The following ZNF596 variants were observed in gnomAD, a reference collection of about 807,000 sequenced individuals.
ZNF596 encodes zinc finger protein 596.
In ZNF596, 45 loss-of-function variants were observed where a neutral mutation model predicts 48.3. That is an observed-to-expected ratio of 0.93 (90% CI 0.73 to 1.19). The LOEUF (loss-of-function observed/expected upper bound fraction) is 1.19. Ranked by LOEUF, ZNF596 falls within the 50% of genes most tolerant of loss-of-function variation. The pLI is 0.00. For synonymous variants in ZNF596, 270 were observed against 202.0 expected, an observed-to-expected ratio of 1.34 and a Z score of -2.85; for missense variants, 848 against 599.7, an observed-to-expected ratio of 1.41 and a Z score of -4.32.
rs377069705 is a variant in ZNF596 at position 243,176 on chromosome 8, C to G, written c.139+163C>G. 9 of 522,010 alleles carry G rather than the reference C, an allele frequency of 1.7e-5. No individual in the cohort carries two copies. In the South Asian group the frequency reaches 3.8e-4, roughly 22 times the overall value. The allele number at this position is 522,010 out of a possible 1,614,324, so 32.3% of individuals were successfully genotyped here. ...CATAACTCTCACAATTACCTGACAG[C>G]CATTTCTTTCCTTTTCACTTATATT... On this transcript the variant is annotated intron_variant, in intron 3 of 5. Coordinates refer to ENST00000398612, the MANE Select transcript of ZNF596 (RefSeq NM_001042416.3).
At chr8:240,789 A>G (rs2117090463) in intron 1 of ZNF596, 35 bp from the exon 2 acceptor site, 1 of 1,431,250 alleles carries the variant, frequency 7.0e-7, no homozygotes, top group African/African-American at 1.4e-5. Context: ...CTGGAGTGTC[A>G]TGGTTTTTTT....
rs1357894271 is a variant in ZNF596 at position 247,202 on chromosome 8, GA to G, written c.*847del. The G allele has an allele frequency of 1.3e-5, 2 of 151,972 alleles. No individual in the cohort carries two copies. Among genetic ancestry groups the G allele is most frequent in the South Asian group, 2.1e-4 (1 of 4,816 alleles). 9.4% of individuals were successfully genotyped at this position (151,972 alleles called of 1,614,324 possible). ...ATAAAGCCATCAAGCACGTGCTTGA[GA>G]AAAAAATTATAATTTTGAATAAAGA... is the stretch of plus-strand genomic sequence containing the variant. On this transcript the variant is annotated 3_prime_UTR_variant, in exon 6 of 6. Coordinates refer to ENST00000398612, the MANE Select transcript of ZNF596 (RefSeq NM_001042416.3).
rs745433308 is a variant in ZNF596 at position 246,116 on chromosome 8, A to T, written c.1269A>T (p.Leu423=). The T allele has an allele frequency of 3.7e-6, 6 of 1,613,560 alleles. No individual in the cohort carries two copies. The highest frequency in any genetic ancestry group is 4.2e-6 in the Non-Finnish European group (5 of 1,179,450). Residue 423 remains leucine (L), a synonymous_variant, in exon 6 of 6, where the codon CTA becomes CTT. Coordinates refer to ENST00000398612, the MANE Select transcript of ZNF596 (RefSeq NM_001042416.3). ...GAGAAAAACCATATGAATGCCATCT[A>T]TGCGGAAAAGCCTTCAATCACTCTT... ...HTGEKPYECH[L]CGKAFNHSSV... is the part of the protein sequence containing the mutation.
At chr8:239,230 C>A (rs887897733) in intron 1 of ZNF596, among the ~76,000 whole-genome samples, 2 of 152,216 alleles carry the variant, frequency 1.3e-5, no homozygotes, top group African/African-American at 4.8e-5. Flanking sequence ...ACTCTGTCAC[C>A]CAGGCTGGAG....
At chr8:243,385 T>C in intron 3 of ZNF596, 1 of 288,686 alleles carries the variant, frequency 3.5e-6, no homozygotes, top group South Asian at 5.9e-5. Context: ...CCTAGATTGT[T>C]CTGGTGGAGC....
At chr8:236,550 T>C (rs1041918652) in intron 1 of ZNF596, among the ~76,000 whole-genome samples, 7 of 152,232 alleles carry the variant, frequency 4.6e-5, no homozygotes, top group Non-Finnish European at 1.0e-4. Flanking sequence ...TGAGATTTTA[T>C]TGATTAAGAA....
chr8:236,184 T>C (rs923083889), intron 1 of ZNF596, among the ~76,000 whole-genome samples: 6 of 152,248 alleles, frequency 3.9e-5, no homozygotes, highest in African/African-American at 1.2e-4. Context: ...AATATTTGCC[T>C]GTTGTAAATA....
chr8:238,761 C>T (rs1034975925), intron 1 of ZNF596, among the ~76,000 whole-genome samples: 8 of 151,000 alleles, frequency 5.3e-5, no homozygotes, highest in Non-Finnish European at 1.0e-4. Context: ...GAGCTGGTAT[C>T]GTGCCGTTGC....
At chr8:240,607 T>A in intron 1 of ZNF596, 1 of 410,140 alleles carries the variant, frequency 2.4e-6, no homozygotes, top group South Asian at 5.4e-5. Flanking sequence ...ACTCCATGAT[T>A]TTCACATTTC....
chr8:239,193 C>G lies in ZNF596; in HGVS notation c.-72-1631C>G, dbSNP rs1796748439. On this transcript the variant is annotated intron_variant, in intron 1 of 5. Coordinates refer to ENST00000398612, the MANE Select transcript of ZNF596 (RefSeq NM_001042416.3). ...ATTGGAGGGTCCTAAGAACTCCTCC[C>G]CGCCCCCACTGCCAATGCAGAGTCT... Among the ~76,000 whole-genome samples, 3 of 152,072 alleles carry G rather than the reference C, an allele frequency of 2.0e-5. No individual in the cohort carries two copies. In the South Asian group the frequency reaches 6.2e-4, roughly 31 times the overall value.
chr8:242,727 C>G (rs955892135), intron 2 of ZNF596, among the ~76,000 whole-genome samples, 160 bp from the exon 3 acceptor site: 1 of 152,164 alleles, frequency 6.6e-6, no homozygotes, highest in Non-Finnish European at 1.5e-5. Flanking sequence ...AAGCCAGATT[C>G]CCAGTTCAGA....
At chr8:236,761 A>G (rs936179648) in intron 1 of ZNF596, among the ~76,000 whole-genome samples, 1 of 152,236 alleles carries the variant, frequency 6.6e-6, no homozygotes, top group African/African-American at 2.4e-5. Flanking sequence ...ATGCTCTGTC[A>G]TTATTTAACC....
At chr8:235,741 A>G (rs1796591629) in intron 1 of ZNF596, among the ~76,000 whole-genome samples, 1 of 152,146 alleles carries the variant, frequency 6.6e-6, no homozygotes. Flanking sequence ...CTTTGATTTT[A>G]TGTTTTCCTC....
chr8:240,034 G>C (rs1318013018), intron 1 of ZNF596, among the ~76,000 whole-genome samples: 1 of 152,218 alleles, frequency 6.6e-6, no homozygotes, highest in Admixed American at 6.5e-5. Context: ...TAGCAACTCT[G>C]TTGCTTAGGA....
At chr8:237,752 T>C (rs1387760895) in intron 1 of ZNF596, 1 of 152,254 alleles carries the variant, frequency 6.6e-6, no homozygotes, top group Non-Finnish European at 1.5e-5. Flanking sequence ...CTTTATTGAA[T>C]ATCATATTTG....
At chr8:235,490 T>A (rs1289644872) in intron 1 of ZNF596, among the ~76,000 whole-genome samples, 4 of 152,112 alleles carry the variant, frequency 2.6e-5, no homozygotes, top group Non-Finnish European at 4.4e-5. Context: ...TTTTTTTTTT[T>A]AGATTTGGAT....
rs747051567 is a variant in ZNF596 at position 244,644 on chromosome 8, A to G, written c.249A>G (p.Gln83=). 6.2e-7 allele frequency: 1 copy of G among 1,613,376 alleles called. No homozygotes were observed. Among genetic ancestry groups the G allele is most frequent in the South Asian group, 1.1e-5 (1 of 90,974 alleles). Residue 83 remains glutamine (Q), a synonymous_variant, in exon 5 of 6, where the codon CAA becomes CAG. Coordinates refer to ENST00000398612, the MANE Select transcript of ZNF596 (RefSeq NM_001042416.3). ...GTAGAGAAGTTGGCATTAAACATCA[A>G]GAGATACCATTCATTCAACATATCT... is the stretch of plus-strand genomic sequence containing the variant. ...LQGREVGIKH[Q]EIPFIQHIYQ...
In ZNF596 at chr8:238,685, T is replaced by C. The variant is rs1325076337; in HGVS notation, c.-72-2139T>C. On this transcript the variant is annotated intron_variant, in intron 1 of 5. Coordinates refer to ENST00000398612, the MANE Select transcript of ZNF596 (RefSeq NM_001042416.3). Reference sequence around the variant, plus strand: ...AGCTGGTCGTGGTGACGGGCACCTATAATCCCAGCTACTCAGGAGGCTGAG... The same window carrying C: ...AGCTGGTCGTGGTGACGGGCACCTACAATCCCAGCTACTCAGGAGGCTGAG... Among the ~76,000 whole-genome samples the C allele has an allele frequency of 4.5e-5, 6 of 133,842 alleles. No individual in the cohort carries two copies. In the Admixed American group the frequency reaches 4.7e-4, roughly 10 times the overall value. 87.8% of individuals were successfully genotyped at this position (133,842 alleles called of 152,430 possible).
chr8:242,026 G>C (rs971198415), intron 2 of ZNF596, among the ~76,000 whole-genome samples: 7 of 152,230 alleles, frequency 4.6e-5, no homozygotes, highest in African/African-American at 1.7e-4. Context: ...CCTCCCACCG[G>C]ACCCCTCCCC....
Sources: allele counts gnomAD v4.1 joint callset (sites outside exome capture counted in the v4.1 genomes callset), GRCh38; gene constraint gnomAD v4.1.1; transcripts MANE v1.5; gene names NCBI Gene and HGNC (gene_info 2026-07-23, HGNC 2026-07-21).